SLC9A9: variants seen among roughly 807,000 people sequenced by gnomAD.
The protein encoded by SLC9A9 is solute carrier family 9 member A9.
A neutral mutation model predicts 77.8 loss-of-function variants in SLC9A9; 62 were observed. The ratio of observed to expected loss-of-function variants is 0.80; its 90% CI spans 0.65 to 0.98. The LOEUF (loss-of-function observed/expected upper bound fraction) is 0.98. Ranked by LOEUF, SLC9A9 falls within the 50% of genes least tolerant of loss-of-function variation. SLC9A9 has a pLI of 0.00. For missense variants in SLC9A9, 775 were observed against 774.9 expected, an observed-to-expected ratio of 1.00 and a Z score of 0.00; for synonymous variants, 320 against 283.5, an observed-to-expected ratio of 1.13 and a Z score of -1.29.
chr3:143,390,435 T>C (rs2033531455), intron 12 of SLC9A9, among the ~76,000 whole-genome samples: 1 of 152,210 alleles, frequency 6.6e-6, no homozygotes, highest in African/African-American at 2.4e-5. Context: ...AAATATGTCA[T>C]AGGCTGTTGT....
chr3:143,292,678 C>T (rs138871475), intron 14 of SLC9A9, among the ~76,000 whole-genome samples: 67 of 152,204 alleles, frequency 4.4e-4, no homozygotes, highest in African/African-American at 1.5e-3. Context: ...CCTTCCCAAC[C>T]TCATTTCCAT....
chr3:143,493,792 G>A, intron 10 of SLC9A9, 28 bp from the exon 11 acceptor site: 1 of 1,498,032 alleles, frequency 6.7e-7, no homozygotes, highest in Non-Finnish European at 9.3e-7. Flanking sequence ...GAAACATTGA[G>A]GAAAGTGTTG....
chr3:143,753,007 C>T (rs1257893213), intron 4 of SLC9A9, among the ~76,000 whole-genome samples: 1 of 152,176 alleles, frequency 6.6e-6, no homozygotes, highest in Non-Finnish European at 1.5e-5. Context: ...GGCAAATCCA[C>T]TCACTTAGGT....
chr3:143,580,570 T>C (rs992283135), intron 6 of SLC9A9, among the ~76,000 whole-genome samples: 8 of 152,376 alleles, frequency 5.3e-5, no homozygotes, highest in Admixed American at 5.2e-4. Flanking sequence ...AAAGAATATC[T>C]ATGAAATCAT....
At chr3:143,683,357 A>G (rs1252535019) in intron 5 of SLC9A9, among the ~76,000 whole-genome samples, 1 of 152,182 alleles carries the variant, frequency 6.6e-6, no homozygotes, top group East Asian at 1.9e-4. Flanking sequence ...GAACAATTAA[A>G]TGATACTATG....
chr3:143,345,195 G>A (rs541031924), intron 14 of SLC9A9, among the ~76,000 whole-genome samples: 11 of 152,256 alleles, frequency 7.2e-5, no homozygotes, highest in African/African-American at 1.9e-4. Flanking sequence ...GTATAAATTC[G>A]TTTTTGTTTC....
chr3:143,721,291 C>T (rs555282691), intron 4 of SLC9A9, among the ~76,000 whole-genome samples: 1 of 152,208 alleles, frequency 6.6e-6, no homozygotes, highest in Non-Finnish European at 1.5e-5. Context: ...CATCTCCTAA[C>T]TGCAACCCCA....
In SLC9A9 at chr3:143,488,705, T is replaced by TA. The variant is rs201368805; in HGVS notation, c.1315+4947dup. 9.2e-3 allele frequency among the ~76,000 whole-genome samples: 1,392 copies of TA among 151,432 alleles called. 19 individuals carry two copies. Among genetic ancestry groups the TA allele is most frequent in the African/African-American group, 0.031 (1,297 of 41,368 alleles). On this transcript the variant is annotated intron_variant, in intron 11 of 15. Coordinates refer to ENST00000316549, the MANE Select transcript of SLC9A9 (RefSeq NM_173653.4). Reference sequence around the variant, plus strand: ...TTTGATAAAATTTAACATTTCATGATAAAAAAAACAACCAACTAGGAATAG... The same window carrying TA: ...TTTGATAAAATTTAACATTTCATGATAAAAAAAAACAACCAACTAGGAATAG...
chr3:143,563,096 T>A (rs899568428), intron 8 of SLC9A9, among the ~76,000 whole-genome samples: 5 of 152,286 alleles, frequency 3.3e-5, no homozygotes, highest in East Asian at 1.9e-4. Context: ...CACTTTTTGA[T>A]AGTATCTAAA....
intron 12 of SLC9A9, among the ~76,000 whole-genome samples, chr3:143,439,258 G>T (rs951131615): frequency 6.6e-6 from 1 of 152,222 alleles, no homozygotes; most frequent in African/African-American, 2.4e-5. Flanking sequence ...AAGCAGATGT[G>T]CAGAAAGGTG....
intron 9 of SLC9A9, among the ~76,000 whole-genome samples, chr3:143,539,896 G>A (rs1188491093): frequency 6.6e-6 from 1 of 151,976 alleles, no homozygotes; most frequent in Non-Finnish European, 1.5e-5. Context: ...GAGAGAGAGA[G>A]AGTGTGCAAG....
intron 9 of SLC9A9, among the ~76,000 whole-genome samples, chr3:143,501,474 C>A (rs1227769769): frequency 2.0e-5 from 3 of 150,780 alleles, no homozygotes; most frequent in Non-Finnish European, 4.4e-5. Context: ...GAGTTGTCCT[C>A]TCACGAAGGG....
intron 4 of SLC9A9, among the ~76,000 whole-genome samples, chr3:143,782,790 A>G (rs2007923898): frequency 6.6e-6 from 1 of 152,254 alleles, no homozygotes. Context: ...CAAAGAAATG[A>G]TAACTAAGAG....
At chr3:143,338,963 T>TCTTAA (rs2032009638) in intron 14 of SLC9A9, among the ~76,000 whole-genome samples, 1 of 152,170 alleles carries the variant, frequency 6.6e-6, no homozygotes. Context: ...ACTGAAAAAT[T>TCTTAA]CTTAACTTCT....
intron 2 of SLC9A9, among the ~76,000 whole-genome samples, chr3:143,803,476 C>A (rs1201004846): frequency 1.3e-5 from 2 of 152,146 alleles, no homozygotes; most frequent in African/African-American, 4.8e-5. Context: ...GTTTACACTG[C>A]CGGTTTACAC....
chr3:143,603,877 C>T (rs1274685833), intron 6 of SLC9A9, among the ~76,000 whole-genome samples: 1 of 152,172 alleles, frequency 6.6e-6, no homozygotes, highest in Non-Finnish European at 1.5e-5. Context: ...CACTGTTTTA[C>T]TTTTTGCTTT....
chr3:143,678,834 G>C (rs572690557), intron 5 of SLC9A9, among the ~76,000 whole-genome samples: 22 of 152,316 alleles, frequency 1.4e-4, no homozygotes, highest in African/African-American at 5.3e-4. Context: ...TTGGAGGAAA[G>C]TAGAATTTTC....
intron 14 of SLC9A9, among the ~76,000 whole-genome samples, chr3:143,280,259 C>A (rs952694414): frequency 6.6e-6 from 1 of 152,152 alleles, no homozygotes; most frequent in Non-Finnish European, 1.5e-5. Context: ...TTTTAGGGAA[C>A]AAAATGAATA....
In SLC9A9 at chr3:143,848,367, G is replaced by C. The variant is rs751372942; in HGVS notation, c.-45C>G. ...TCCTTAGATAAAAACCTGGATAAAG[G>C]CTATTTTATCAAGATTTGCCTAAGA... is the stretch of plus-strand genomic sequence containing the variant. On this transcript the variant is annotated 5_prime_UTR_variant, in exon 1 of 16. Transcript: ENST00000316549. 1.9e-6 allele frequency: 3 copies of C among 1,611,986 alleles called. No homozygotes were observed. Among genetic ancestry groups the C allele is most frequent in the African/African-American group, 1.3e-5 (1 of 74,854 alleles).
Sources: gnomAD v4.1 joint callset for allele counts (sites outside exome capture counted in the v4.1 genomes callset) on GRCh38, gnomAD v4.1.1 for gene constraint, MANE v1.5 for transcripts, NCBI Gene and HGNC (gene_info 2026-07-23, HGNC 2026-07-21) for gene names.